The following IMMP2L variants were observed in gnomAD, a reference collection of about 807,000 sequenced individuals.
IMMP2L encodes the protein inner mitochondrial membrane peptidase subunit 2.
IMMP2L carries 18 observed loss-of-function variants against 19.3 expected under a neutral mutation model. That is an observed-to-expected ratio of 0.93 (90% confidence interval 0.64 to 1.38). IMMP2L has a LOEUF of 1.38. Ranked by LOEUF, IMMP2L falls within the 40% of genes most tolerant of loss-of-function variation. The probability of loss-of-function intolerance (pLI) is 0.00; values close to 1 mark genes in which losing one functional copy is unlikely to be tolerated. For missense variants in IMMP2L, 233 were observed against 218.2 expected (o/e 1.07, Z -0.43); for synonymous variants, 76 against 73.0 (o/e 1.04, Z -0.21).
chr7:111,409,289 TA>T (rs1834164686), intron 3 of IMMP2L, among the ~76,000 whole-genome samples: 1 of 151,552 alleles, frequency 6.6e-6, no homozygotes. Context: ...AATGCATCAG[TA>T]ATAAATTTAT....
At chr7:111,269,027 C>A (rs1047938344) in intron 3 of IMMP2L, among the ~76,000 whole-genome samples, 1 of 152,054 alleles carries the variant, frequency 6.6e-6, no homozygotes, top group Non-Finnish European at 1.5e-5. Flanking sequence ...GCATAGGGCA[C>A]AAAAGTAAGG....
chr7:111,062,506 A>G (rs1794111863), intron 3 of IMMP2L, among the ~76,000 whole-genome samples: 1 of 152,136 alleles, frequency 6.6e-6, no homozygotes, highest in Non-Finnish European at 1.5e-5. Context: ...TTTCAAAACC[A>G]ATCATGCCTT....
At chr7:110,718,652 C>T (rs535044245) in intron 5 of IMMP2L, among the ~76,000 whole-genome samples, 75 of 152,118 alleles carry the variant, frequency 4.9e-4, no homozygotes, top group Middle Eastern at 3.4e-3. Context: ...ATAACTGAAG[C>T]GCTTTAGCAT....
intron 3 of IMMP2L, among the ~76,000 whole-genome samples, chr7:111,062,151 G>A (rs1460782676): frequency 1.3e-5 from 2 of 152,026 alleles, no homozygotes; most frequent in African/African-American, 4.8e-5. Flanking sequence ...ACCTGAGATC[G>A]GGCAATTTAC....
chr7:111,492,224 A>T (rs567959584), intron 2 of IMMP2L: 9 of 196,954 alleles, frequency 4.6e-5, no homozygotes, highest in South Asian at 3.5e-4. Context: ...GAAAGAATTT[A>T]AAAAAATCAA....
intron 5 of IMMP2L, among the ~76,000 whole-genome samples, chr7:110,850,433 C>A (rs1048765827): frequency 1.3e-5 from 2 of 152,058 alleles, no homozygotes; most frequent in African/African-American, 2.4e-5. Context: ...TTTGCATTGA[C>A]CTGCCCCTTG....
chr7:111,107,799 T>C (rs985889592), intron 3 of IMMP2L, among the ~76,000 whole-genome samples: 13 of 152,130 alleles, frequency 8.5e-5, no homozygotes, highest in Non-Finnish European at 1.5e-5. Flanking sequence ...TGTTGCAACA[T>C]TTCAAAGCTC....
chr7:110,751,949 T>C lies in IMMP2L; in HGVS notation c.409-88228A>G, dbSNP rs145227688. Among the ~76,000 whole-genome samples the C allele has an allele frequency of 6.9e-3, 1,052 of 152,072 alleles. 6 individuals carry two copies. Among genetic ancestry groups the C allele is most frequent in the Middle Eastern group, 0.041 (12 of 294 alleles). On this transcript the variant is annotated intron_variant, in intron 5 of 5. Transcript: ENST00000405709. ...AGAACCCACAAAATTCTCATCCCAA[T>C]TGGCGGGAAAGATTATTGAAATTGC...
intron 3 of IMMP2L, among the ~76,000 whole-genome samples, chr7:111,112,330 G>T (rs998249074): frequency 6.6e-5 from 10 of 152,106 alleles, no homozygotes; most frequent in African/African-American, 2.2e-4. Context: ...AAATGACAAA[G>T]CTTCACTGAC....
chr7:110,909,267 C>T lies in IMMP2L; in HGVS notation c.306-22572G>A, dbSNP rs183734787. Among the ~76,000 whole-genome samples the T allele has an allele frequency of 4.8e-4, 73 of 152,162 alleles. 1 individual carries two copies. Among genetic ancestry groups the T allele is most frequent in the African/African-American group, 1.7e-3 (71 of 41,504 alleles). Reference sequence around the variant, plus strand: ...GCTGGAAGAACAAAGGATCTTAGTCCAGTGGTATTATTTAATCAATTGGTT... The same window carrying T: ...GCTGGAAGAACAAAGGATCTTAGTCTAGTGGTATTATTTAATCAATTGGTT... On this transcript the variant is annotated intron_variant, in intron 4 of 5. Transcript: ENST00000405709.
At chr7:111,440,416 C>T (rs1032504052) in intron 3 of IMMP2L, among the ~76,000 whole-genome samples, 5 of 151,912 alleles carry the variant, frequency 3.3e-5, no homozygotes, top group Admixed American at 2.0e-4. Flanking sequence ...AAACACTGAT[C>T]GCCTTGTACA....
chr7:110,738,575 T>G (rs374517976), intron 5 of IMMP2L, among the ~76,000 whole-genome samples: 1 of 152,206 alleles, frequency 6.6e-6, no homozygotes, highest in Non-Finnish European at 1.5e-5. Flanking sequence ...GGGACTATGT[T>G]AAACGTCCAA....
chr7:111,049,199 C>A (rs370876156), intron 3 of IMMP2L, among the ~76,000 whole-genome samples: 1 of 142,606 alleles, frequency 7.0e-6, no homozygotes, highest in Non-Finnish European at 1.5e-5. Context: ...GGCGTCATCT[C>A]GGCTCACTGC....
At chr7:111,252,270 A>C (rs1816228150) in intron 3 of IMMP2L, among the ~76,000 whole-genome samples, 1 of 152,176 alleles carries the variant, frequency 6.6e-6, no homozygotes, top group Admixed American at 6.5e-5. Flanking sequence ...AAGCGGAAAC[A>C]AACTCAAAGT....
intron 3 of IMMP2L, among the ~76,000 whole-genome samples, chr7:111,462,373 T>C (rs556973205): frequency 2.2e-4 from 33 of 152,240 alleles, no homozygotes; most frequent in Middle Eastern, 6.8e-3. Context: ...AACTGCCTCA[T>C]ATTAACAAGA....
chr7:110,895,973 C>T (rs1178095483), intron 4 of IMMP2L, among the ~76,000 whole-genome samples: 2 of 151,970 alleles, frequency 1.3e-5, no homozygotes. Flanking sequence ...AGGTGTGTGC[C>T]ACCATGCCCC....
intron 3 of IMMP2L, among the ~76,000 whole-genome samples, chr7:111,370,477 C>T (rs1459569431): frequency 6.6e-6 from 1 of 151,900 alleles, no homozygotes; most frequent in Non-Finnish European, 1.5e-5. Context: ...ACACAGAAAA[C>T]GTCTATGGAA....
At chr7:111,005,738 T>C (rs1052070093) in intron 3 of IMMP2L, among the ~76,000 whole-genome samples, 3 of 152,190 alleles carry the variant, frequency 2.0e-5, no homozygotes, top group African/African-American at 7.2e-5. Flanking sequence ...GTTTTGATTT[T>C]GATGACAATT....
rs1030909611 is a variant in IMMP2L, at chr7:110,764,959, C to G, written c.409-101238G>C. ...TGATCGAAGATGATGAAGGGAAGAGCTACTGGAAACTATACCGATCCAGTA... is the reference window on the plus strand; with the variant it reads ...TGATCGAAGATGATGAAGGGAAGAGGTACTGGAAACTATACCGATCCAGTA... On this transcript the variant is annotated intron_variant, in intron 5 of 5. Transcript: ENST00000405709. 2.0e-5 allele frequency among the ~76,000 whole-genome samples: 3 copies of G among 152,170 alleles called. 1 individual carries two copies. In the South Asian group the frequency reaches 6.2e-4, roughly 32 times the overall value.
Sources: allele counts gnomAD v4.1 joint callset (sites outside exome capture counted in the v4.1 genomes callset), GRCh38; gene constraint gnomAD v4.1.1; transcripts MANE v1.5; gene names NCBI Gene and HGNC (gene_info 2026-07-23, HGNC 2026-07-21).